Variants in CEACAM8 observed in about 807,000 individuals in gnomAD.
CEACAM8 encodes the protein cell adhesion molecule CEACAM8.
CEACAM8 carries 31 observed loss-of-function variants against 33.4 expected under a neutral mutation model. The observed-to-expected ratio is 0.93, with a 90% CI of 0.70 to 1.25. The LOEUF (loss-of-function observed/expected upper bound fraction) is 1.25, where lower values mean the gene tolerates loss of function less well. CEACAM8 is among the 50% of genes most tolerant of loss of function. The pLI, the probability that CEACAM8 is intolerant of heterozygous loss-of-function variation, is 0.00. For missense variants in CEACAM8, 388 were observed against 434.6 expected (o/e 0.89, Z 0.95); for synonymous variants, 138 against 164.5 (o/e 0.84, Z 1.23).
At chr19:42,581,946 T>TATATATATATATATATATATATATAA (rs765190705) in intron 5 of CEACAM8, among the ~76,000 whole-genome samples, 4 of 84,092 alleles carry the variant, frequency 4.8e-5, no homozygotes, top group African/African-American at 9.5e-5. Flanking sequence ...TATATATATA[T>TATATATATATATATATATATATATAA]AAAATAAGGT....
intron 5 of CEACAM8, among the ~76,000 whole-genome samples, chr19:42,582,502 CA>C (rs1568690643): frequency 6.6e-6 from 1 of 152,266 alleles, no homozygotes; most frequent in East Asian, 1.9e-4. Context: ...ATCTCAGGTT[CA>C]CACATTAATG....
At chr19:42,588,636 T>G (rs754391090) in intron 4 of CEACAM8, 148 bp downstream of exon 4, 94 of 866,828 alleles carry the variant, frequency 1.1e-4, no homozygotes, top group Non-Finnish European at 1.7e-4. Flanking sequence ...TCTATAGAGA[T>G]AAACTGGGAG....
intron 2 of CEACAM8, among the ~76,000 whole-genome samples, chr19:42,590,780 G>T (rs1013447743): frequency 6.6e-5 from 10 of 152,154 alleles, no homozygotes; most frequent in African/African-American, 2.4e-4. Flanking sequence ...CTGGGAGTGG[G>T]GGGAATGGAG....
chr19:42,584,144 C>G, intron 4 of CEACAM8, among the ~76,000 whole-genome samples: 1 of 151,950 alleles, frequency 6.6e-6, no homozygotes, highest in Non-Finnish European at 1.5e-5. Flanking sequence ...TAACCATGTC[C>G]TCGTGTTTCC....
In CEACAM8 at chr19:42,589,655, G is replaced by T; in HGVS notation, c.505C>A (p.Pro169Thr). Residue 169 changes from proline (P) to threonine (T), a missense_variant, in exon 3 of 6, where the codon CCT becomes ACT. Transcript: ENST00000244336. The part of the protein sequence containing the change: ...DKDAVAFTCE[P>T]ETQNTTYLWW... ...AGGTAGGTTGTGTTCTGAGTCTCAG[G>T]TTCACAGGTGAAGGCCACAGCATCC... 1 of 1,614,230 alleles carries T rather than the reference G, an allele frequency of 6.2e-7. No individual in the cohort carries two copies. The highest frequency in any genetic ancestry group is 8.5e-7 in the Non-Finnish European group (1 of 1,180,044).
chr19:42,594,692 G>A (rs755032364), intron 1 of CEACAM8, 73 bp downstream of exon 1: 34 of 1,233,240 alleles, frequency 2.8e-5, no homozygotes, highest in South Asian at 3.6e-5. Flanking sequence ...TCAGAGCCCC[G>A]TCCTCCCCAG....
chr19:42,594,680 T>G (rs1195361177), intron 1 of CEACAM8, 85 bp downstream of exon 1: 1 of 1,100,354 alleles, frequency 9.1e-7, no homozygotes, highest in Non-Finnish European at 1.4e-6. Context: ...CTCTGTCCCC[T>G]CTCAGAGCCC....
chr19:42,592,935 C>T (rs755000386), intron 2 of CEACAM8, among the ~76,000 whole-genome samples: 2 of 152,216 alleles, frequency 1.3e-5, no homozygotes, highest in Non-Finnish European at 2.9e-5. Context: ...CTGTCCTCTC[C>T]ACTCTGAGTC....
chr19:42,588,357 T>C (rs536565285), intron 4 of CEACAM8, among the ~76,000 whole-genome samples: 1 of 152,106 alleles, frequency 6.6e-6, no homozygotes, highest in Non-Finnish European at 1.5e-5. Context: ...CTCCTCCCAT[T>C]TGGGGAACGT....
At chr19:42,584,703 T>A (rs1180509264) in intron 4 of CEACAM8, among the ~76,000 whole-genome samples, 1 of 152,228 alleles carries the variant, frequency 6.6e-6, no homozygotes, top group Non-Finnish European at 1.5e-5. Flanking sequence ...AAGTTAAGAA[T>A]CTTGTGCAAG....
rs143763173 is a variant in CEACAM8, at chr19:42,594,794, C to T, written c.35G>A (p.Arg12His). ...GAGCAGGAGCCCCTGCCAGGGGATGCGCCATCTGCAGGAAGGGGCTGAGAT... is the reference window on the plus strand; with the variant it reads ...GAGCAGGAGCCCCTGCCAGGGGATGTGCCATCTGCAGGAAGGGGCTGAGAT... Reference protein sequence around the residue: ...GPISAPSCRWRIPWQGLLLTA... With the variant: ...GPISAPSCRWHIPWQGLLLTA... The change falls in exon 1 of 6, where the codon CGC becomes CAC. Residue 12 changes from arginine (R) to histidine (H), a missense_variant. Arg to His is a conservative substitution (Grantham distance 29). Transcript: ENST00000244336. The T allele has an allele frequency of 3.2e-5, 51 of 1,610,612 alleles. No individual in the cohort carries two copies. The East Asian group carries it at 3.4e-4, about 11-fold the overall frequency.
In CEACAM8 at chr19:42,581,888, C is replaced by CAAA. The variant is rs71298757; in HGVS notation, c.*41-538_*41-536dup. 7.6e-3 allele frequency among the ~76,000 whole-genome samples: 106 copies of CAAA among 13,884 alleles called. 30 individuals are homozygous for CAAA. Among genetic ancestry groups the CAAA allele is most frequent in the Non-Finnish European group, 0.012 (83 of 7,026 alleles). 9.1% of individuals were successfully genotyped at this position (13,884 alleles called of 152,430 possible). A position where few individuals can be genotyped will look rare whatever the true frequency, so the allele number is the denominator to read the frequency against. Reference sequence around the variant, plus strand: ...CTGGCGACGGAGCGAGACTCCGTCTCAAAAAAAAAAAAAAAAAAAAAAAAA... The same window carrying CAAA: ...CTGGCGACGGAGCGAGACTCCGTCTCAAAAAAAAAAAAAAAAAAAAAAAAAAAA... On this transcript the variant is annotated intron_variant, in intron 5 of 5. Transcript: ENST00000244336.
rs2042400277 is a variant in CEACAM8, at chr19:42,589,669, GCCACAGCATC to G, written c.481_490del (p.Asp161ProfsTer17). ...CTGAGTCTCAGGTTCACAGGTGAAG[GCCACAGCATC>G]CTTGTCCTCCACGGGGTTGGAGTTG... On this transcript the variant is annotated frameshift_variant, in exon 3 of 6. Coordinates refer to ENST00000244336, the MANE Select transcript of CEACAM8 (RefSeq NM_001816.4). LOFTEE classifies it high-confidence loss of function. The G allele has an allele frequency of 6.2e-7, 1 of 1,614,078 alleles. No homozygotes were observed. The highest frequency in any genetic ancestry group is 8.5e-7 in the Non-Finnish European group (1 of 1,180,052).
chr19:42,585,376 A>G (rs534555802), intron 4 of CEACAM8, among the ~76,000 whole-genome samples: 1 of 151,982 alleles, frequency 6.6e-6, no homozygotes, highest in African/African-American at 2.4e-5. Flanking sequence ...GAGATATTAT[A>G]TATCAATTCT....
rs376409104 is a variant in CEACAM8 at position 42,589,738 on chromosome 19, G to A, written c.425-3C>T. On this transcript the variant is annotated splice_region_variant and splice_polypyrimidine_tract_variant and intron_variant, in intron 2 of 5. Transcript: ENST00000244336. ...GATGGAGGGCTTGGGAGTCTCCGCT[G>A]TGCAGAAAACAGAGAGAAGATTGCC... is the stretch of plus-strand genomic sequence containing the variant. The A allele has an allele frequency of 3.1e-6, 5 of 1,614,084 alleles. No homozygotes were observed. The African/African-American group carries it at 5.3e-5, about 17-fold the overall frequency.
Position 42,593,874 on chromosome 19 carries a change from G to T in CEACAM8, c.91C>A (p.Pro31Thr), listed in dbSNP as rs2042494689. The change falls in exon 2 of 6, where the codon CCC (proline) becomes ACC (threonine). Residue 31 changes from proline (P) to threonine (T), a missense_variant. Physicochemically the swap from Pro to Thr is conservative, Grantham distance 38 (BLOSUM62 -1). Coordinates refer to ENST00000244336, the MANE Select transcript of CEACAM8 (RefSeq NM_001816.4). ...TASLFTFWNP[P>T]TTAQLTIEAV... ...TCAATAGTGAGCTGAGCAGTGGTGG[G>T]CGGGTTCCAGAAGGTGAAAAGTGAG... The T allele has an allele frequency of 6.3e-7, 1 of 1,597,436 alleles. No individual in the cohort carries two copies. The highest frequency in any genetic ancestry group is 8.6e-7 in the Non-Finnish European group (1 of 1,169,086).
intron 2 of CEACAM8, among the ~76,000 whole-genome samples, chr19:42,592,597 C>CAAAAAAAAAAAAAAAAA (rs922130468): frequency 2.4e-5 from 1 of 41,882 alleles, no homozygotes; most frequent in South Asian, 8.9e-4. Context: ...GACTCCGTCT[C>CAAAAAAAAAAAAAAAAA]AAAAAAAAAA....
In CEACAM8 at chr19:42,583,196, GC is replaced by G; in HGVS notation, c.*40+9del. 3 of 1,185,138 alleles carry G rather than the reference GC, an allele frequency of 2.5e-6. No homozygotes were observed. The highest frequency in any genetic ancestry group is 3.8e-6 in the Non-Finnish European group (3 of 798,032). The allele number at this position is 1,185,138 out of a possible 1,614,324, so 73.4% of individuals were successfully genotyped here. On this transcript the variant is annotated intron_variant, in intron 5 of 5. Coordinates refer to ENST00000244336, the MANE Select transcript of CEACAM8 (RefSeq NM_001816.4). ...TGCAGGAAACAGGACAAGAGGAAAGGCCATCATACCTGCCAGTCTTCTTGAA... is the reference window on the plus strand; with the variant it reads ...TGCAGGAAACAGGACAAGAGGAAAGGCATCATACCTGCCAGTCTTCTTGAA...
chr19:42,586,275 A>C (rs1308019997), intron 4 of CEACAM8, among the ~76,000 whole-genome samples: 1 of 152,172 alleles, frequency 6.6e-6, no homozygotes, highest in Non-Finnish European at 1.5e-5. Flanking sequence ...AGGACTCAAA[A>C]TAGCCAACCA....
Sources: gnomAD v4.1 joint callset for allele counts (sites outside exome capture counted in the v4.1 genomes callset) on GRCh38, gnomAD v4.1.1 for gene constraint, MANE v1.5 for transcripts, NCBI Gene and HGNC (gene_info 2026-07-23, HGNC 2026-07-21) for gene names.